The following CNPY1 variants were observed in gnomAD, a reference collection of about 807,000 sequenced individuals.
CNPY1 encodes canopy FGF signaling regulator 1.
Under a neutral mutation model 14.4 loss-of-function variants are expected in CNPY1, and 14 were observed. That is an observed-to-expected ratio of 0.97 (90% CI 0.64 to 1.52). CNPY1 has a LOEUF of 1.52. Ranked by LOEUF, CNPY1 falls within the 40% of genes most tolerant of loss-of-function variation. CNPY1 has a pLI of 0.00. For synonymous variants in CNPY1, 43 were observed against 46.5 expected, an observed-to-expected ratio of 0.92 and a Z score of 0.31; for missense variants, 129 against 131.5, an observed-to-expected ratio of 0.98 and a Z score of 0.09.
intron 2 of CNPY1, among the ~76,000 whole-genome samples, chr7:155,516,222 A>G (rs1246134742): frequency 2.0e-5 from 3 of 152,206 alleles, no homozygotes; most frequent in Non-Finnish European, 4.4e-5. Context: ...AACACCATCC[A>G]CCCAGAGGGC....
chr7:155,510,551 C>T (rs1795713522), intron 2 of CNPY1: 1 of 152,166 alleles, frequency 6.6e-6, no homozygotes, highest in African/African-American at 2.4e-5. Context: ...CCCAGGCACT[C>T]GAATCGGAAG....
chr7:155,503,033 C>A lies in CNPY1; in HGVS notation c.*35G>T. The A allele has an allele frequency of 1.3e-6, 2 of 1,596,394 alleles. No homozygotes were observed. The highest frequency in any genetic ancestry group is 8.6e-7 in the Non-Finnish European group (1 of 1,169,256). ...TGCAGACATTGACCTTTGGGTGTGA[C>A]TTTACTCCTCTCTACGACCAGCAGA... is the stretch of plus-strand genomic sequence containing the variant. On this transcript the variant is annotated 3_prime_UTR_variant, in exon 5 of 5. Coordinates refer to ENST00000636446, the MANE Select transcript of CNPY1 (RefSeq NM_001393663.1).
Position 155,536,268 on chromosome 7 carries a change from G to A in CNPY1, c.99+9563C>T, listed in dbSNP as rs555204771. On this transcript the variant is annotated intron_variant, in intron 2 of 4. Transcript: ENST00000636446. The surrounding 1 kb of genome is among the most constrained non-coding windows in gnomAD (Gnocchi z 4.1). ...GGATGACTGATCACCCACTGCAGCA[G>A]ACAGGTCCTGGGCGGGGCTGGTTAT... Among the ~76,000 whole-genome samples, 23 of 152,304 alleles carry A rather than the reference G, an allele frequency of 1.5e-4. No individual in the cohort carries two copies. The highest frequency in any genetic ancestry group is 5.9e-4 in the Admixed American group (9 of 15,300).
chr7:155,537,582 C>A (rs1304168160), intron 2 of CNPY1, among the ~76,000 whole-genome samples: 2 of 152,064 alleles, frequency 1.3e-5, no homozygotes, highest in African/African-American at 4.8e-5. Flanking sequence ...TGCCATCACA[C>A]CCCGCTAATT....
At chr7:155,518,433 T>C (rs991108454) in intron 2 of CNPY1, 4 of 152,366 alleles carry the variant, frequency 2.6e-5, no homozygotes, top group Non-Finnish European at 4.4e-5. Context: ...TTCCAAGCAA[T>C]GTTGGGATGA....
At chr7:155,507,167 A>C (rs557017418) in intron 3 of CNPY1, 51 bp from the exon 4 acceptor site, 26 of 1,157,528 alleles carry the variant, frequency 2.2e-5, no homozygotes, top group Non-Finnish European at 2.7e-5. Context: ...CTGGCGGGGC[A>C]CTTTGTTAGG....
intron 4 of CNPY1, among the ~76,000 whole-genome samples, chr7:155,504,642 T>A (rs985985641): frequency 1.3e-5 from 2 of 151,622 alleles, no homozygotes; most frequent in African/African-American, 4.9e-5. Flanking sequence ...GCACGTAGTA[T>A]ACACTCAGTA....
chr7:155,512,469 GA>G (rs1164722324), intron 2 of CNPY1, among the ~76,000 whole-genome samples: 1 of 152,148 alleles, frequency 6.6e-6, no homozygotes, highest in Non-Finnish European at 1.5e-5. Flanking sequence ...GTGAGCAATG[GA>G]ATGGGGGTGG....
chr7:155,502,003 T>TGGGGG lies in CNPY1; in HGVS notation c.*1060_*1064dup, dbSNP rs60236629. ...GCAAAGAGTTTTGGGTCGGGGGGGT[T>TGGGGG]GGGGGGGGGATTTGTAGCATCCTAC... On this transcript the variant is annotated 3_prime_UTR_variant, in exon 5 of 5. Coordinates refer to ENST00000636446, the MANE Select transcript of CNPY1 (RefSeq NM_001393663.1). The TGGGGG allele has an allele frequency of 8.0e-6, 1 of 125,322 alleles. No individual in the cohort carries two copies. The highest frequency in any genetic ancestry group is 2.6e-4 in the South Asian group (1 of 3,788). 7.8% of individuals were successfully genotyped at this position (125,322 alleles called of 1,614,324 possible). A position where few individuals can be genotyped will look rare whatever the true frequency, so the allele number is the denominator to read the frequency against.
intron 2 of CNPY1, among the ~76,000 whole-genome samples, chr7:155,510,654 C>T (rs1056055912): frequency 1.4e-4 from 22 of 152,226 alleles, no homozygotes; most frequent in African/African-American, 4.8e-4. Flanking sequence ...ATGTTTTAAT[C>T]GCTAAAAATG....
At chr7:155,528,059 G>A (rs568819091) in intron 2 of CNPY1, among the ~76,000 whole-genome samples, 1 of 152,212 alleles carries the variant, frequency 6.6e-6, no homozygotes, top group Non-Finnish European at 1.5e-5. Context: ...CATCGTTGTA[G>A]AGAAGGGACA....
At position 155,515,607 on chromosome 7, in the gene CNPY1, C is replaced by G. The variant is rs147301721; in HGVS notation, c.100-6510G>C. 2.3e-3 allele frequency among the ~76,000 whole-genome samples: 346 copies of G among 151,958 alleles called. 1 individual carries two copies. The highest frequency in any genetic ancestry group is 8.0e-3 in the African/African-American group (333 of 41,450). Reference sequence around the variant, plus strand: ...AGGGTGGAGGGAGAGACCAGGCTGCCTGGGGAGTCGACTGGGGGAAACGAG... The same window carrying G: ...AGGGTGGAGGGAGAGACCAGGCTGCGTGGGGAGTCGACTGGGGGAAACGAG... On this transcript the variant is annotated intron_variant, in intron 2 of 4. Coordinates refer to ENST00000636446, the MANE Select transcript of CNPY1 (RefSeq NM_001393663.1).
At position 155,546,478 on chromosome 7, in the gene CNPY1, C is replaced by G; in HGVS notation, c.-64G>C. 2.5e-6 allele frequency: 1 copy of G among 397,610 alleles called. No homozygotes were observed. Among genetic ancestry groups the G allele is most frequent in the Non-Finnish European group, 4.4e-6 (1 of 225,944 alleles). The allele number at this position is 397,610 out of a possible 1,614,324, so 24.6% of individuals were successfully genotyped here. On this transcript the variant is annotated 5_prime_UTR_variant, in exon 1 of 5. Transcript: ENST00000636446. ...TACAAGTATCAGCCACCATGTGCAG[C>G]CTTCAAATGTGCTTTCCTATTTATT... is the stretch of plus-strand genomic sequence containing the variant.
intron 4 of CNPY1, 155 bp downstream of exon 4, chr7:155,506,865 G>A: frequency 4.6e-6 from 3 of 648,504 alleles, no homozygotes; most frequent in African/African-American, 1.8e-5. Flanking sequence ...TCTCTCACAT[G>A]CTGTCGTTTC....
chr7:155,509,429 T>C (rs1585302287), intron 2 of CNPY1, among the ~76,000 whole-genome samples: 1 of 151,998 alleles, frequency 6.6e-6, no homozygotes, highest in East Asian at 1.9e-4. Context: ...GCATGACGCA[T>C]AGAAAATGGC....
intron 2 of CNPY1, 148 bp downstream of exon 2, chr7:155,545,683 G>C: frequency 2.6e-6 from 1 of 390,432 alleles, no homozygotes; most frequent in Non-Finnish European, 4.5e-6. Flanking sequence ...AGATTACTTT[G>C]GGTCCCCCAG....
At chr7:155,538,069 CT>C (rs914439701) in intron 2 of CNPY1, among the ~76,000 whole-genome samples, 1 of 152,294 alleles carries the variant, frequency 6.6e-6, no homozygotes, top group East Asian at 1.9e-4. Context: ...TTAATAACCT[CT>C]TTTTTGCACT....
At chr7:155,526,419 C>T (rs79615386) in intron 2 of CNPY1, among the ~76,000 whole-genome samples, 109 of 152,238 alleles carry the variant, frequency 7.2e-4, no homozygotes, top group East Asian at 2.3e-3. Flanking sequence ...CCAATGCCTT[C>T]GTGGACGGGG....
chr7:155,512,760 C>A (rs1796553860), intron 2 of CNPY1, among the ~76,000 whole-genome samples: 1 of 152,210 alleles, frequency 6.6e-6, no homozygotes, highest in South Asian at 2.1e-4. Flanking sequence ...TACAGTCTGA[C>A]AACCTCCAAT....
Sources: allele counts gnomAD v4.1 joint callset (sites outside exome capture counted in the v4.1 genomes callset), GRCh38; gene constraint gnomAD v4.1.1; non-coding constraint Gnocchi (gnomAD v3.1); transcripts MANE v1.5; gene names NCBI Gene and HGNC (gene_info 2026-07-23, HGNC 2026-07-21).